ALG8: variants seen among roughly 807,000 people sequenced by gnomAD.
The protein encoded by ALG8 is dolichyl pyrophosphate Glc1Man9GlcNAc2 alpha-1,3-glucosyltransferase.
Under a neutral mutation model 70.2 loss-of-function variants are expected in ALG8, and 48 were observed. The observed-to-expected ratio is 0.68, with a 90% CI of 0.54 to 0.87. The LOEUF (loss-of-function observed/expected upper bound fraction) is 0.87. Ranked by LOEUF, ALG8 falls within the 40% of genes least tolerant of loss-of-function variation. The pLI is 0.00. For missense variants in ALG8, 572 were observed against 608.7 expected (o/e 0.94, Z 0.64); for synonymous variants, 234 against 229.0 (o/e 1.02, Z -0.20).
In ALG8 at chr11:78,121,104, C is replaced by A. The variant is rs748027702; in HGVS notation, c.439G>T (p.Val147Leu). The A allele has an allele frequency of 1.9e-6, 3 of 1,613,920 alleles. No individual in the cohort carries two copies. Among genetic ancestry groups the A allele is most frequent in the East Asian group, 2.2e-5 (1 of 44,854 alleles). ...LTEKPKFILS[V>L]LLLWNFGLLI... ...AACCCGAAGTTCCACAGAAGTAATA[C>A]CGACAGAATAAATTTTGGCTTTTCT... Residue 147 changes from valine to leucine, a missense_variant, in exon 4 of 13, where the codon GTA becomes TTA. Physicochemically the swap from Val to Leu is conservative, Grantham distance 32 (BLOSUM62 1). Coordinates refer to ENST00000299626, the MANE Select transcript of ALG8 (RefSeq NM_024079.5).
At chr11:78,114,124 A>C in intron 6 of ALG8, 135 bp from the exon 7 acceptor site, 1 of 1,406,546 alleles carries the variant, frequency 7.1e-7, no homozygotes, top group Non-Finnish European at 9.9e-7. Flanking sequence ...AGCAGAGAAA[A>C]GCGAGAATGG....
At chr11:78,121,986 G>A (rs1237097543) in intron 3 of ALG8, among the ~76,000 whole-genome samples, 4 of 152,202 alleles carry the variant, frequency 2.6e-5, no homozygotes, top group Non-Finnish European at 5.9e-5. Flanking sequence ...AAAAGAGACT[G>A]AACTAACATA....
At chr11:78,113,769 G>C (rs1860421622) in intron 7 of ALG8, 117 bp downstream of exon 7, 1 of 806,192 alleles carries the variant, frequency 1.2e-6, no homozygotes, top group Non-Finnish European at 2.0e-6. Context: ...GTCACGTTGG[G>C]TAAGGAGTAA....
intron 9 of ALG8, 124 bp downstream of exon 9, chr11:78,109,318 A>T: frequency 7.7e-7 from 1 of 1,293,804 alleles, no homozygotes; most frequent in Non-Finnish European, 1.1e-6. Context: ...TTCAATCTGC[A>T]GAAGGATTAC....
rs753052197 is a variant in ALG8 at position 78,109,480 on chromosome 11, G to C, written c.1000C>G (p.Pro334Ala). 6 of 1,614,142 alleles carry C rather than the reference G, an allele frequency of 3.7e-6. No homozygotes were observed. The Admixed American group carries it at 6.7e-5, about 18-fold the overall frequency. ...FQHTVLPSVTPLATLICTLIA... is the reference protein window; with the variant it reads ...FQHTVLPSVTALATLICTLIA... ...AGTGTGCAGATGAGGGTTGCCAAGGGAGTCACTGAGGGAAGGACTGTGTGT... is the reference window on the plus strand; with the variant it reads ...AGTGTGCAGATGAGGGTTGCCAAGGCAGTCACTGAGGGAAGGACTGTGTGT... Residue 334 changes from proline (P) to alanine (A), a missense_variant, in exon 9 of 13, where the codon CCC becomes GCC. By Grantham distance (27) the Pro-to-Ala change is conservative. Transcript: ENST00000299626.
In ALG8 at chr11:78,101,082, G is replaced by T. The variant is rs758549233; in HGVS notation, c.1463C>A (p.Pro488His). ...FPFTSWKVKY[P>H]FIPLLLTSVY... ...TGAGGTTAGTAACAAAGGGATGAAG[G>T]GGTACTTCACCTTCCAGGAGGTGAA... The change falls in exon 13 of 13, where the codon CCC becomes CAC. Residue 488 changes from proline to histidine, a missense_variant. Physicochemically the swap from Pro to His is moderately conservative, Grantham distance 77 (BLOSUM62 -2). Coordinates refer to ENST00000299626, the MANE Select transcript of ALG8 (RefSeq NM_024079.5). 6.2e-7 allele frequency: 1 copy of T among 1,614,148 alleles called. No homozygotes were observed. The highest frequency in any genetic ancestry group is 1.7e-5 in the Admixed American group (1 of 60,016).
At chr11:78,134,423 C>A (rs927895368) in intron 1 of ALG8, among the ~76,000 whole-genome samples, 1 of 152,192 alleles carries the variant, frequency 6.6e-6, no homozygotes, top group African/African-American at 2.4e-5. Context: ...CAGGCATGAG[C>A]CACTGCGCCT....
At chr11:78,112,118 A>T (rs952056402) in intron 8 of ALG8, among the ~76,000 whole-genome samples, 1 of 152,042 alleles carries the variant, frequency 6.6e-6, no homozygotes, top group Admixed American at 6.6e-5. Context: ...AAAAAACAAA[A>T]ATTTAAAAAT....
chr11:78,126,916 C>G (rs1264512601), intron 2 of ALG8, among the ~76,000 whole-genome samples: 2 of 152,114 alleles, frequency 1.3e-5, no homozygotes, highest in Admixed American at 1.3e-4. Context: ...CCTAGTAGTG[C>G]AAGAGGACAG....
chr11:78,116,898 T>G lies in ALG8; in HGVS notation c.546+2284A>C, dbSNP rs377139693. 1.2e-4 allele frequency among the ~76,000 whole-genome samples: 18 copies of G among 152,006 alleles called. No individual in the cohort carries two copies. In the South Asian group the frequency reaches 1.9e-3, roughly 16 times the overall value. On this transcript the variant is annotated intron_variant, in intron 5 of 12. Coordinates refer to ENST00000299626, the MANE Select transcript of ALG8 (RefSeq NM_024079.5). ...CTTTAGGAGTAATAACAAAAAAGAG[T>G]GGGAATGCTTCTAGGTCTCTCTTCA...
chr11:78,106,784 C>T (rs1307198180), intron 10 of ALG8, 23 bp downstream of exon 10: 1 of 1,613,628 alleles, frequency 6.2e-7, no homozygotes, highest in Admixed American at 1.7e-5. Flanking sequence ...CCAAAATGCT[C>T]ACTGGCTGAG....
In ALG8 at chr11:78,104,076, A is replaced by G. The variant is rs897531452; in HGVS notation, c.1277-24T>C. The G allele has an allele frequency of 9.3e-6, 13 of 1,393,318 alleles. No homozygotes were observed. The African/African-American group carries it at 1.7e-4, about 18-fold the overall frequency. 86.3% of individuals were successfully genotyped at this position (1,393,318 alleles called of 1,614,324 possible). ...TTCTGTTAAAAGAATAGAAAAAAAA[A>G]GATAATTTAGCTGATGACAGAAAGA... On this transcript the variant is annotated intron_variant, in intron 11 of 12. Coordinates refer to ENST00000299626, the MANE Select transcript of ALG8 (RefSeq NM_024079.5).
chr11:78,118,209 T>C (rs986232976), intron 5 of ALG8, among the ~76,000 whole-genome samples: 3 of 152,310 alleles, frequency 2.0e-5, no homozygotes, highest in Admixed American at 2.0e-4. Flanking sequence ...AATCCCTTTC[T>C]ATTACATTAA....
chr11:78,101,077 T>G lies in ALG8; in HGVS notation c.1468A>C (p.Ile490Leu). 1 of 1,614,190 alleles carries G rather than the reference T, an allele frequency of 6.2e-7. No individual in the cohort carries two copies. Among genetic ancestry groups the G allele is most frequent in the Admixed American group, 1.7e-5 (1 of 60,016 alleles). Residue 490 changes from isoleucine (I) to leucine (L), a missense_variant, in exon 13 of 13, where the codon ATC becomes CTC. Coordinates refer to ENST00000299626, the MANE Select transcript of ALG8 (RefSeq NM_024079.5). Reference sequence around the variant, plus strand: ...TACACTGAGGTTAGTAACAAAGGGATGAAGGGGTACTTCACCTTCCAGGAG... The same window carrying G: ...TACACTGAGGTTAGTAACAAAGGGAGGAAGGGGTACTTCACCTTCCAGGAG... ...FTSWKVKYPF[I>L]PLLLTSVYCA...
chr11:78,106,017 A>G (rs961680717), intron 10 of ALG8, among the ~76,000 whole-genome samples: 1 of 152,132 alleles, frequency 6.6e-6, no homozygotes, highest in African/African-American at 2.4e-5. Context: ...CAATTATCTT[A>G]AAGATTATTG....
At chr11:78,110,521 C>A (rs1860238813) in intron 8 of ALG8, among the ~76,000 whole-genome samples, 1 of 152,200 alleles carries the variant, frequency 6.6e-6, no homozygotes, top group Non-Finnish European at 1.5e-5. Context: ...GTGTTCACCA[C>A]AAGGCACTGC....
At position 78,114,203 on chromosome 11, in the gene ALG8, C is replaced by A. The variant is rs140571089; in HGVS notation, c.673+63G>T. ...TCATAAAACCTTCTTATCAAGCAAG[C>A]CACCAAGTCAACACAGTAAGGGAAA... On this transcript the variant is annotated intron_variant, in intron 6 of 12. Coordinates refer to ENST00000299626, the MANE Select transcript of ALG8 (RefSeq NM_024079.5). The A allele has an allele frequency of 1.4e-5, 23 of 1,604,796 alleles. No individual in the cohort carries two copies. The East Asian group carries it at 4.7e-4, about 33-fold the overall frequency.
chr11:78,109,092 T>C (rs1860169411), intron 9 of ALG8, among the ~76,000 whole-genome samples: 1 of 152,112 alleles, frequency 6.6e-6, no homozygotes, highest in Non-Finnish European at 1.5e-5. Flanking sequence ...TAGCTAACGG[T>C]GAGAAAAACA....
chr11:78,104,527 C>A, intron 10 of ALG8, 74 bp from the exon 11 acceptor site: 1 of 1,342,866 alleles, frequency 7.4e-7, no homozygotes, highest in Non-Finnish European at 1.0e-6. Context: ...ACTGCATCTC[C>A]TATTACATTA....
Sources: gnomAD v4.1 joint callset for allele counts (sites outside exome capture counted in the v4.1 genomes callset) on GRCh38, gnomAD v4.1.1 for gene constraint, MANE v1.5 for transcripts, NCBI Gene and HGNC (gene_info 2026-07-23, HGNC 2026-07-21) for gene names.